Variants in GSK3B observed in about 807,000 individuals in gnomAD.
GSK3B encodes the protein glycogen synthase kinase 3 beta.
A neutral mutation model predicts 56.4 loss-of-function variants in GSK3B; 15 were observed. The ratio of observed to expected loss-of-function variants is 0.27; its 90% CI spans 0.18 to 0.41. The LOEUF (loss-of-function observed/expected upper bound fraction) is 0.41. Among genes scored for constraint, GSK3B ranks in the 10% least tolerant of loss-of-function variants. GSK3B has a pLI of 1.00. For missense variants in GSK3B, 300 were observed against 513.4 expected (o/e 0.58, Z 4.02); for synonymous variants, 181 against 188.9 (o/e 0.96, Z 0.34).
intron 6 of GSK3B, among the ~76,000 whole-genome samples, chr3:119,906,825 T>C (rs186242419): frequency 4.7e-4 from 72 of 152,194 alleles, no homozygotes; most frequent in Non-Finnish European, 5.0e-4. Context: ...CAGTAAATGG[T>C]TGACAACAAA....
At chr3:119,970,806 CAAAA>C (rs140430600) in intron 2 of GSK3B, among the ~76,000 whole-genome samples, 1 of 149,978 alleles carries the variant, frequency 6.7e-6, no homozygotes, top group Non-Finnish European at 1.5e-5. Context: ...AACAAACAAA[CAAAA>C]AAAACAAAAA....
intron 9 of GSK3B, among the ~76,000 whole-genome samples, chr3:119,858,941 T>TA (rs61623681): frequency 0.89 from 135,067 of 152,040 alleles, 60,147 homozygotes; most frequent in Admixed American, 0.92. Flanking sequence ...ATTGATCAAT[T>TA]AGTTCAATAC....
At position 119,898,652 on chromosome 3, in the gene GSK3B, T is replaced by G. The variant is rs191513308; in HGVS notation, c.813+7103A>C. ...ATTGAGCTACAGATGAATCAGATGGTTTTTCCACCACCCTACTCTTCCTGT... is the reference window on the plus strand; with the variant it reads ...ATTGAGCTACAGATGAATCAGATGGGTTTTCCACCACCCTACTCTTCCTGT... On this transcript the variant is annotated intron_variant, in intron 7 of 10. Transcript: ENST00000264235. Among the ~76,000 whole-genome samples, 42 of 152,192 alleles carry G rather than the reference T, an allele frequency of 2.8e-4. 1 individual carries two copies. In the East Asian group the frequency reaches 7.9e-3, roughly 29 times the overall value.
intron 2 of GSK3B, among the ~76,000 whole-genome samples, chr3:119,977,038 C>T (rs893651500): frequency 6.6e-6 from 1 of 152,014 alleles, no homozygotes; most frequent in Non-Finnish European, 1.5e-5. Context: ...TATCAAATAT[C>T]GTGCCTCCAT....
intron 1 of GSK3B, among the ~76,000 whole-genome samples, chr3:120,077,176 C>A (rs1187408963): frequency 6.6e-6 from 1 of 152,090 alleles, no homozygotes; most frequent in Non-Finnish European, 1.5e-5. Context: ...TGGGTATATA[C>A]AAAATATTAT....
chr3:119,953,115 T>C (rs2107498081), intron 2 of GSK3B, among the ~76,000 whole-genome samples: 2 of 152,194 alleles, frequency 1.3e-5, no homozygotes, highest in South Asian at 4.1e-4. Context: ...TTTACAGAAA[T>C]TAGGTCAGTA....
intron 2 of GSK3B, among the ~76,000 whole-genome samples, chr3:119,948,895 T>G (rs1272055400): frequency 6.6e-6 from 1 of 152,066 alleles, no homozygotes; most frequent in Non-Finnish European, 1.5e-5. Context: ...AGAGACAGGG[T>G]TTCACCATGT....
intron 7 of GSK3B, among the ~76,000 whole-genome samples, chr3:119,887,869 G>C (rs958216825): frequency 2.0e-5 from 3 of 152,016 alleles, no homozygotes; most frequent in African/African-American, 7.2e-5. Context: ...ACACATTATA[G>C]ACAGGGTATA....
rs568575160 is a variant in GSK3B, at chr3:120,038,382, T to C, written c.89-36143A>G. 2.9e-4 allele frequency among the ~76,000 whole-genome samples: 44 copies of C among 152,210 alleles called. No individual in the cohort carries two copies. The South Asian group carries it at 8.9e-3, about 31-fold the overall frequency. Reference sequence around the variant, plus strand: ...GCGTTCAAGACCAACCTGGGCAACATGGTGAAACCCTGGTCCACACCTATG... The same window carrying C: ...GCGTTCAAGACCAACCTGGGCAACACGGTGAAACCCTGGTCCACACCTATG... On this transcript the variant is annotated intron_variant, in intron 1 of 10. Transcript: ENST00000264235.
chr3:120,084,662 T>C (rs1490958424), intron 1 of GSK3B: 5 of 152,224 alleles, frequency 3.3e-5, no homozygotes, highest in Non-Finnish European at 7.3e-5. Flanking sequence ...TCATCTAAGA[T>C]GTTAGAAAAA....
chr3:119,996,800 C>T (rs923804931), intron 2 of GSK3B, among the ~76,000 whole-genome samples: 2 of 151,986 alleles, frequency 1.3e-5, no homozygotes, highest in Admixed American at 1.3e-4. Context: ...GGTAGAACAG[C>T]TGGTTCCTTG....
At position 119,989,049 on chromosome 3, in the gene GSK3B, A is replaced by G. The variant is rs2057540136; in HGVS notation, c.282+12997T>C. Among the ~76,000 whole-genome samples the G allele has an allele frequency of 2.0e-5, 3 of 152,320 alleles. No homozygotes were observed. In the South Asian group the frequency reaches 6.2e-4, roughly 32 times the overall value. On this transcript the variant is annotated intron_variant, in intron 2 of 10. Transcript: ENST00000264235. ...ATTTTTCTGGCTACAAGTTTCCAAA[A>G]TAAGTCGGGCTTTCTTAAAGCCCTA...
rs75111813 is a variant in GSK3B at position 119,926,356 on chromosome 3, C to A, written c.367-2873G>T. On this transcript the variant is annotated intron_variant, in intron 3 of 10. Transcript: ENST00000264235. Reference sequence around the variant, plus strand: ...CACACACACACACACACACACACACCCCTATACCCACACATACACCCTCAT... The same window carrying A: ...CACACACACACACACACACACACACACCTATACCCACACATACACCCTCAT... Among the ~76,000 whole-genome samples, 11 of 139,726 alleles carry A rather than the reference C, an allele frequency of 7.9e-5. 1 individual carries two copies. Among genetic ancestry groups the A allele is most frequent in the African/African-American group, 2.9e-4 (9 of 31,482 alleles). 91.7% of individuals were successfully genotyped at this position (139,726 alleles called of 152,430 possible). A position where few individuals can be genotyped will look rare whatever the true frequency, so the allele number is the denominator to read the frequency against.
At chr3:119,944,040 T>C (rs1053666596) in intron 3 of GSK3B, among the ~76,000 whole-genome samples, 3 of 152,196 alleles carry the variant, frequency 2.0e-5, no homozygotes, top group Admixed American at 6.6e-5. Context: ...TCAGAGATGT[T>C]ATAGAGAATG....
intron 7 of GSK3B, among the ~76,000 whole-genome samples, chr3:119,880,831 T>C (rs1277677984): frequency 6.6e-6 from 1 of 151,814 alleles, no homozygotes; most frequent in African/African-American, 2.4e-5. Flanking sequence ...AATGAGGGAG[T>C]AGTACTAATA....
At chr3:120,067,994 C>G (rs572596455) in intron 1 of GSK3B, among the ~76,000 whole-genome samples, 4 of 152,236 alleles carry the variant, frequency 2.6e-5, no homozygotes, top group African/African-American at 9.6e-5. Context: ...TTTTAAAAGG[C>G]GGAATCATGG....
intron 1 of GSK3B, among the ~76,000 whole-genome samples, chr3:120,074,289 G>C (rs570559584): frequency 1.3e-5 from 2 of 151,142 alleles, no homozygotes; most frequent in Non-Finnish European, 1.5e-5. Context: ...CACAGAGTGA[G>C]GCCCTGTCTC....
At chr3:119,971,601 ATTTTTTTTTTTTT>A (rs751790636) in intron 2 of GSK3B, among the ~76,000 whole-genome samples, 10 of 83,844 alleles carry the variant, frequency 1.2e-4, no homozygotes, top group African/African-American at 4.3e-4. Flanking sequence ...ATTTGCAATA[ATTTTTTTTTTTTT>A]TTTTTTTTTT....
At position 119,855,476 on chromosome 3, in the gene GSK3B, T is replaced by C. The variant is rs555090184; in HGVS notation, c.1096+7943A>G. On this transcript the variant is annotated intron_variant, in intron 9 of 10. Transcript: ENST00000264235. The stretch of plus-strand genomic sequence containing the variant: ...CCATTTGACCCAGCCATCCCATTAC[T>C]GGGTGTATACCCAAAGGATTACAAA... Among the ~76,000 whole-genome samples the C allele has an allele frequency of 3.5e-4, 53 of 152,350 alleles. 1 individual carries two copies. The highest frequency in any genetic ancestry group is 1.3e-3 in the African/African-American group (52 of 41,584).
Sources: allele counts gnomAD v4.1 joint callset (sites outside exome capture counted in the v4.1 genomes callset), GRCh38; gene constraint gnomAD v4.1.1; transcripts MANE v1.5; gene names NCBI Gene and HGNC (gene_info 2026-07-23, HGNC 2026-07-21).